NSL1: variants seen among roughly 807,000 people sequenced by gnomAD.
The protein encoded by NSL1 is NSL1 component of MIS12 kinetochore complex.
NSL1 carries 11 observed loss-of-function variants against 25.4 expected under a neutral mutation model. That is an observed-to-expected ratio of 0.43 (90% confidence interval 0.27 to 0.72). The LOEUF is 0.72. Ranked by LOEUF, NSL1 falls within the 30% of genes least tolerant of loss-of-function variation. The pLI is 0.19. For synonymous variants in NSL1, 118 were observed against 120.6 expected, an observed-to-expected ratio of 0.98 and a Z score of 0.14; for missense variants, 330 against 342.7, an observed-to-expected ratio of 0.96 and a Z score of 0.29.
Position 212,779,770 on chromosome 1 carries a change from CGGG to C in NSL1, c.499+2599_499+2601del, listed in dbSNP as rs1558062358. Among the ~76,000 whole-genome samples, 121 of 119,014 alleles carry C rather than the reference CGGG, an allele frequency of 1.0e-3. 12 individuals carry two copies. The highest frequency in any genetic ancestry group is 3.5e-3 in the African/African-American group (111 of 31,418). The allele number at this position is 119,014 out of a possible 152,430, so 78.1% of individuals were successfully genotyped here. A position where few individuals can be genotyped will look rare whatever the true frequency, so the allele number is the denominator to read the frequency against. ...CCCCCGCCCAGCCAGCCGCCCCGTC[CGGG>C]AGGGAGGTGGGGGGGTCAGCCCCCC... is the stretch of plus-strand genomic sequence containing the variant. On this transcript the variant is annotated intron_variant, in intron 4 of 5. Transcript: ENST00000366977.
chr1:212,743,364 C>T (rs556870659), intron 4 of NSL1, among the ~76,000 whole-genome samples: 1 of 152,078 alleles, frequency 6.6e-6, no homozygotes, highest in South Asian at 2.1e-4. Context: ...AGGGTTTCAC[C>T]ATGTTAGCCA....
chr1:212,780,598 T>C (rs1660693171), intron 4 of NSL1, among the ~76,000 whole-genome samples: 2 of 151,932 alleles, frequency 1.3e-5, no homozygotes, highest in African/African-American at 4.8e-5. Flanking sequence ...TTCAAGAGGT[T>C]CCCACAAAAG....
Position 212,729,675 on chromosome 1 carries a change from A to C in NSL1, c.*8733T>G. 1 of 985,394 alleles carries C rather than the reference A, an allele frequency of 1.0e-6. No homozygotes were observed. 61.0% of individuals were successfully genotyped at this position (985,394 alleles called of 1,614,324 possible). ...AACACTTATTTTAACCTTTTCACCAAATTTTTGTCAGAGAAGGAAATGAAG... is the reference window on the plus strand; with the variant it reads ...AACACTTATTTTAACCTTTTCACCACATTTTTGTCAGAGAAGGAAATGAAG... On this transcript the variant is annotated 3_prime_UTR_variant, in exon 6 of 6. Coordinates refer to ENST00000366977, the MANE Select transcript of NSL1 (RefSeq NM_015471.4).
intron 4 of NSL1, among the ~76,000 whole-genome samples, chr1:212,776,738 C>A (rs2994521): frequency 0.036 from 4,569 of 126,070 alleles, 86 homozygotes; most frequent in Non-Finnish European, 0.051. Flanking sequence ...ACAACAACAA[C>A]AAAAAAAACC....
rs11284993 is a variant in NSL1 at position 212,752,889 on chromosome 1, C to CAAAAAAAAAAAAAAA, written c.500-13289_500-13288insTTTTTTTTTTTTTTT. ...AGCCTGCCCAAATTCAGAAATTCAG[C>CAAAAAAAAAAAAAAA]AAAAAAAAAAAAAAGCACTAAGTGA... On this transcript the variant is annotated intron_variant, in intron 4 of 5. Coordinates refer to ENST00000366977, the MANE Select transcript of NSL1 (RefSeq NM_015471.4). Among the ~76,000 whole-genome samples the CAAAAAAAAAAAAAAA allele has an allele frequency of 9.0e-5, 12 of 133,968 alleles. No individual in the cohort carries two copies. In the South Asian group the frequency reaches 2.5e-3, roughly 28 times the overall value. 87.9% of individuals were successfully genotyped at this position (133,968 alleles called of 152,430 possible).
intron 2 of NSL1, 66 bp from the exon 3 acceptor site, chr1:212,784,559 GA>G: frequency 1.0e-6 from 1 of 991,632 alleles, no homozygotes; most frequent in Non-Finnish European, 1.4e-6. Context: ...ATTCTGTATG[GA>G]AATGTGCTAT....
chr1:212,778,740 G>C (rs1258692434), intron 4 of NSL1, among the ~76,000 whole-genome samples: 4 of 148,848 alleles, frequency 2.7e-5, no homozygotes, highest in Non-Finnish European at 6.0e-5. Context: ...GCGTGATCTC[G>C]GCTCGCTACA....
chr1:212,789,969 A>C (rs904637862), intron 1 of NSL1, among the ~76,000 whole-genome samples: 16 of 152,048 alleles, frequency 1.1e-4, no homozygotes, highest in African/African-American at 3.6e-4. Flanking sequence ...TATATACAAA[A>C]CTACATACAG....
chr1:212,738,490 A>G lies in NSL1; in HGVS notation c.764T>C (p.Val255Ala). The G allele has an allele frequency of 1.9e-6, 3 of 1,614,016 alleles. No homozygotes were observed. Among genetic ancestry groups the G allele is most frequent in the Non-Finnish European group, 2.5e-6 (3 of 1,180,002 alleles). ...GTCTTTAGTTTGCTTTCTTTTCAGT[A>G]CCATGTCAGAGGTTTTCCTGGAAGC... ...ETASRKTSDMVLKRKQTKDCP... is the reference protein window; with the variant it reads ...ETASRKTSDMALKRKQTKDCP... Residue 255 changes from valine (V) to alanine (A), a missense_variant, in exon 6 of 6, where the codon GTA (valine) becomes GCA (alanine). Coordinates refer to ENST00000366977, the MANE Select transcript of NSL1 (RefSeq NM_015471.4).
chr1:212,785,425 C>T (rs564412009), intron 2 of NSL1, among the ~76,000 whole-genome samples: 11 of 151,934 alleles, frequency 7.2e-5, no homozygotes, highest in Non-Finnish European at 1.2e-4. Flanking sequence ...TGTGCCATGT[C>T]GGTGTGCTGC....
In NSL1 at chr1:212,737,237, G is replaced by GA; in HGVS notation, c.*1170dup. 4 of 985,314 alleles carry GA rather than the reference G, an allele frequency of 4.1e-6. No homozygotes were observed. Among genetic ancestry groups the GA allele is most frequent in the Non-Finnish European group, 4.8e-6 (4 of 829,838 alleles). 61.0% of individuals were successfully genotyped at this position (985,314 alleles called of 1,614,324 possible). Reference sequence around the variant, plus strand: ...TATACAGATCTCAAACTGTAACACTGAAACACAAAATGCAACAAAGTGGCT... The same window carrying GA: ...TATACAGATCTCAAACTGTAACACTGAAAACACAAAATGCAACAAAGTGGCT... On this transcript the variant is annotated 3_prime_UTR_variant, in exon 6 of 6. Coordinates refer to ENST00000366977, the MANE Select transcript of NSL1 (RefSeq NM_015471.4).
chr1:212,757,503 C>T (rs1659371245), intron 4 of NSL1, among the ~76,000 whole-genome samples: 1 of 152,134 alleles, frequency 6.6e-6, no homozygotes, highest in African/African-American at 2.4e-5. Context: ...GCAGGCTGTA[C>T]AAGCATAGCA....
Position 212,736,696 on chromosome 1 carries a change from T to C in NSL1, c.*1712A>G. On this transcript the variant is annotated 3_prime_UTR_variant, in exon 6 of 6. Coordinates refer to ENST00000366977, the MANE Select transcript of NSL1 (RefSeq NM_015471.4). Reference sequence around the variant, plus strand: ...GCCTGGGGACTTTAAAATATAACCATTTTTTAAAAACTTATAAAAATTTCC... The same window carrying C: ...GCCTGGGGACTTTAAAATATAACCACTTTTTAAAAACTTATAAAAATTTCC... 1.0e-6 allele frequency: 1 copy of C among 984,166 alleles called. No homozygotes were observed. Among genetic ancestry groups the C allele is most frequent in the Non-Finnish European group, 1.2e-6 (1 of 828,772 alleles). The allele number at this position is 984,166 out of a possible 1,614,324, so 61.0% of individuals were successfully genotyped here.
intron 1 of NSL1, among the ~76,000 whole-genome samples, chr1:212,790,478 A>AG (rs1472281515): frequency 6.6e-6 from 1 of 152,170 alleles, no homozygotes; most frequent in Non-Finnish European, 1.5e-5. Flanking sequence ...AAAGCCCTGA[A>AG]GGTGGTAGTT....
At position 212,732,600 on chromosome 1, in the gene NSL1, G is replaced by C. The variant is rs1434675429; in HGVS notation, c.*5808C>G. On this transcript the variant is annotated 3_prime_UTR_variant, in exon 6 of 6. Coordinates refer to ENST00000366977, the MANE Select transcript of NSL1 (RefSeq NM_015471.4). ...TGAGCCACCGCACCCGGCCTACATA[G>C]TCTTATTCCAACCTGGTCTGCCTAG... is the stretch of plus-strand genomic sequence containing the variant. 1 of 984,960 alleles carries C rather than the reference G, an allele frequency of 1.0e-6. No homozygotes were observed. The highest frequency in any genetic ancestry group is 1.7e-5 in the African/African-American group (1 of 57,196). The allele number at this position is 984,960 out of a possible 1,614,324, so 61.0% of individuals were successfully genotyped here. A position where few individuals can be genotyped will look rare whatever the true frequency, so the allele number is the denominator to read the frequency against.
rs537642953 is a variant in NSL1 at position 212,734,531 on chromosome 1, C to T, written c.*3877G>A. ...ATTTTGCTCACCCAAAAATGTTTCCCGTGCCATTCCCAGTTAATATCTCCC... is the reference window on the plus strand; with the variant it reads ...ATTTTGCTCACCCAAAAATGTTTCCTGTGCCATTCCCAGTTAATATCTCCC... On this transcript the variant is annotated 3_prime_UTR_variant, in exon 6 of 6. Coordinates refer to ENST00000366977, the MANE Select transcript of NSL1 (RefSeq NM_015471.4). Among the ~76,000 whole-genome samples, 23 of 152,290 alleles carry T rather than the reference C, an allele frequency of 1.5e-4. No individual in the cohort carries two copies. The East Asian group carries it at 1.5e-3, about 10-fold the overall frequency.
chr1:212,756,978 C>T (rs1659340832), intron 4 of NSL1, among the ~76,000 whole-genome samples: 1 of 152,102 alleles, frequency 6.6e-6, no homozygotes, highest in Admixed American at 6.5e-5. Context: ...TAAAGGGATA[C>T]AGTATGATCA....
intron 4 of NSL1, among the ~76,000 whole-genome samples, chr1:212,778,846 CT>C (rs1660517236): frequency 6.6e-6 from 1 of 151,874 alleles, no homozygotes; most frequent in African/African-American, 2.4e-5. Flanking sequence ...AGGAGCGTCT[CT>C]GCCTGGCCGC....
intron 4 of NSL1, among the ~76,000 whole-genome samples, chr1:212,748,927 T>TTTC (rs1306765137): frequency 6.6e-6 from 1 of 152,220 alleles, no homozygotes; most frequent in African/African-American, 2.4e-5. Context: ...AACGCACTGT[T>TTTC]TTCTTTATGC....
Sources: gnomAD v4.1 joint callset for allele counts (sites outside exome capture counted in the v4.1 genomes callset) on GRCh38, gnomAD v4.1.1 for gene constraint, MANE v1.5 for transcripts, NCBI Gene and HGNC (gene_info 2026-07-23, HGNC 2026-07-21) for gene names.